The following SNTG1 variants were observed in gnomAD, a reference collection of about 807,000 sequenced individuals.
The protein encoded by SNTG1 is gamma-1-syntrophin.
A neutral mutation model predicts 74.7 loss-of-function variants in SNTG1; 39 were observed. The ratio of observed to expected loss-of-function variants is 0.52; its 90% CI spans 0.40 to 0.68. The LOEUF (loss-of-function observed/expected upper bound fraction) is 0.68, where lower values mean the gene tolerates loss of function less well. Among genes scored for constraint, SNTG1 ranks in the 30% least tolerant of loss-of-function variants. The pLI, the probability that SNTG1 is intolerant of heterozygous loss-of-function variation, is 0.00. For synonymous variants in SNTG1, 254 were observed against 217.1 expected (o/e 1.17, Z -1.49); for missense variants, 685 against 609.5 (o/e 1.12, Z -1.30).
chr8:50,111,857 A>G (rs1015790158), intron 1 of SNTG1, among the ~76,000 whole-genome samples: 4 of 152,188 alleles, frequency 2.6e-5, no homozygotes, highest in African/African-American at 9.6e-5. Context: ...AGAAGAAAAA[A>G]GGGACTATGG....
intron 4 of SNTG1, among the ~76,000 whole-genome samples, chr8:50,422,534 G>A (rs1459846734): frequency 1.3e-5 from 2 of 152,070 alleles, no homozygotes; most frequent in Non-Finnish European, 2.9e-5. Flanking sequence ...CATGAGTCCA[G>A]CCACTCCATG....
intron 8 of SNTG1, among the ~76,000 whole-genome samples, chr8:50,501,616 T>A (rs566011442): frequency 6.5e-4 from 97 of 149,256 alleles, no homozygotes; most frequent in Middle Eastern, 3.4e-3. Flanking sequence ...TTTTTATTTT[T>A]TTTTTTTTTT....
At chr8:50,460,574 A>G (rs758024150) in intron 8 of SNTG1, among the ~76,000 whole-genome samples, 5 of 152,150 alleles carry the variant, frequency 3.3e-5, no homozygotes, top group Non-Finnish European at 7.3e-5. Flanking sequence ...CGATGTCCAA[A>G]ATGGTATTTT....
chr8:49,992,754 A>G (rs1056909402), intron 1 of SNTG1, among the ~76,000 whole-genome samples: 2 of 152,206 alleles, frequency 1.3e-5, no homozygotes, highest in Admixed American at 6.5e-5. Flanking sequence ...TTATTTAGTA[A>G]TGGACCTCTT....
intron 9 of SNTG1, among the ~76,000 whole-genome samples, chr8:50,523,888 T>C (rs2094199714): frequency 6.6e-6 from 1 of 152,144 alleles, no homozygotes; most frequent in African/African-American, 2.4e-5. Flanking sequence ...AAATGAGATA[T>C]GTCTGTACTT....
At chr8:50,136,065 G>T (rs1228255390) in intron 1 of SNTG1, among the ~76,000 whole-genome samples, 4 of 152,124 alleles carry the variant, frequency 2.6e-5, no homozygotes, top group African/African-American at 9.7e-5. Flanking sequence ...CACCCATGTT[G>T]CTGCAAAGGA....
chr8:50,113,076 A>T (rs2080666436), intron 1 of SNTG1, among the ~76,000 whole-genome samples: 3 of 152,114 alleles, frequency 2.0e-5, no homozygotes, highest in Admixed American at 2.0e-4. Context: ...TGACTTGGCA[A>T]TGTGGGCTCT....
intron 13 of SNTG1, among the ~76,000 whole-genome samples, chr8:50,655,572 A>G (rs2095175012): frequency 6.6e-6 from 1 of 152,216 alleles, no homozygotes; most frequent in South Asian, 2.1e-4. Flanking sequence ...TATTTAAATC[A>G]CAATCCCTTA....
At chr8:50,225,318 A>G (rs1427970680) in intron 2 of SNTG1, among the ~76,000 whole-genome samples, 1 of 151,964 alleles carries the variant, frequency 6.6e-6, no homozygotes, top group Non-Finnish European at 1.5e-5. Flanking sequence ...CTGCATAATA[A>G]GAACCTTGGT....
chr8:50,609,990 C>A (rs1343143043), intron 13 of SNTG1, among the ~76,000 whole-genome samples: 1 of 152,114 alleles, frequency 6.6e-6, no homozygotes, highest in African/African-American at 2.4e-5. Context: ...TCAACTGCTT[C>A]TTTTTTCCCC....
At chr8:50,752,556 A>G (rs376958366) in intron 18 of SNTG1, among the ~76,000 whole-genome samples, 1 of 152,000 alleles carries the variant, frequency 6.6e-6, no homozygotes, top group Admixed American at 6.6e-5. Flanking sequence ...AAAATTGACA[A>G]TAACAATATT....
chr8:50,579,871 C>G (rs954241172), intron 12 of SNTG1, among the ~76,000 whole-genome samples: 1 of 152,180 alleles, frequency 6.6e-6, no homozygotes, highest in Non-Finnish European at 1.5e-5. Flanking sequence ...AGAATCTCTG[C>G]TAGGGCAGTG....
intron 9 of SNTG1, among the ~76,000 whole-genome samples, chr8:50,518,003 A>G (rs567051191): frequency 6.6e-6 from 1 of 152,358 alleles, no homozygotes; most frequent in South Asian, 2.1e-4. Flanking sequence ...CAGAATATAC[A>G]TTCTTCTTAG....
chr8:50,146,407 A>G (rs1023949672), intron 1 of SNTG1, among the ~76,000 whole-genome samples: 8 of 152,142 alleles, frequency 5.3e-5, no homozygotes, highest in African/African-American at 1.9e-4. Context: ...AATCCAAGCT[A>G]CTTGGGAGGC....
chr8:50,170,272 A>G (rs2082760993), intron 1 of SNTG1, among the ~76,000 whole-genome samples: 3 of 152,190 alleles, frequency 2.0e-5, no homozygotes, highest in Admixed American at 2.0e-4. Context: ...CTTAATGTAT[A>G]TTTATTATTT....
intron 2 of SNTG1, among the ~76,000 whole-genome samples, chr8:50,359,886 T>A (rs1042561479): frequency 6.6e-6 from 1 of 152,216 alleles, no homozygotes; most frequent in Non-Finnish European, 1.5e-5. Flanking sequence ...ATTTTTTCAC[T>A]GTGATGCCTT....
At chr8:49,997,510 G>A (rs555709261) in intron 1 of SNTG1, among the ~76,000 whole-genome samples, 1 of 151,970 alleles carries the variant, frequency 6.6e-6, no homozygotes, top group African/African-American at 2.4e-5. Flanking sequence ...ATTCCTTCAA[G>A]TCCTATTTCT....
chr8:50,679,362 C>G lies in SNTG1; in HGVS notation c.1038+20699C>G, dbSNP rs114396890. Among the ~76,000 whole-genome samples the G allele has an allele frequency of 8.0e-3, 1,214 of 152,090 alleles. 10 individuals carry two copies. The highest frequency in any genetic ancestry group is 0.028 in the African/African-American group (1,155 of 41,506). ...TGTTACCTGAACTTGAATTCTGGCC[C>G]AATTAATATCAACAATATCTCAATG... On this transcript the variant is annotated intron_variant, in intron 15 of 18. Coordinates refer to ENST00000642720, the MANE Select transcript of SNTG1 (RefSeq NM_018967.5).
At chr8:50,714,017 C>T (rs1585620352) in intron 17 of SNTG1, among the ~76,000 whole-genome samples, 1 of 147,294 alleles carries the variant, frequency 6.8e-6, no homozygotes, top group African/African-American at 2.5e-5. Flanking sequence ...GGACATCGCA[C>T]CACTGCACTC....
Sources: gnomAD v4.1 joint callset for allele counts (sites outside exome capture counted in the v4.1 genomes callset) on GRCh38, gnomAD v4.1.1 for gene constraint, MANE v1.5 for transcripts, NCBI Gene and HGNC (gene_info 2026-07-23, HGNC 2026-07-21) for gene names.